The following CDK5RAP2 variants were observed in gnomAD, a reference collection of about 807,000 sequenced individuals.
The protein encoded by CDK5RAP2 is CDK5 regulatory subunit associated protein 2, also known as CDK5 regulatory subunit-associated protein 2.
Under a neutral mutation model 232.9 loss-of-function variants are expected in CDK5RAP2, and 147 were observed. The ratio of observed to expected loss-of-function variants is 0.63; its 90% CI spans 0.55 to 0.72. The LOEUF (loss-of-function observed/expected upper bound fraction) is 0.72, where lower values mean the gene tolerates loss of function less well. Among genes scored for constraint, CDK5RAP2 ranks in the 30% least tolerant of loss-of-function variants. The pLI, the probability that CDK5RAP2 is intolerant of heterozygous loss-of-function variation, is 0.00. For synonymous variants in CDK5RAP2, 833 were observed against 833.7 expected (o/e 1.00, Z 0.01); for missense variants, 2,195 against 2,231.5 (o/e 0.98, Z 0.33).
chr9:120,420,072 G>A (rs1233591317), intron 26 of CDK5RAP2, 112 bp from the exon 27 acceptor site: 2 of 838,172 alleles, frequency 2.4e-6, no homozygotes, highest in East Asian at 5.0e-5. Flanking sequence ...CCCAATGTTT[G>A]CAACTTCAGT....
rs557715440 is a variant in CDK5RAP2, at chr9:120,571,618, G to A, written c.127+356C>T. 12 of 356,280 alleles carry A rather than the reference G, an allele frequency of 3.4e-5. 1 individual carries two copies. Among genetic ancestry groups the A allele is most frequent in the South Asian group, 6.7e-5 (3 of 44,960 alleles). The allele number at this position is 356,280 out of a possible 1,614,324, so 22.1% of individuals were successfully genotyped here. A position where few individuals can be genotyped will look rare whatever the true frequency, so the allele number is the denominator to read the frequency against. On this transcript the variant is annotated intron_variant, in intron 2 of 37. Coordinates refer to ENST00000349780, the MANE Select transcript of CDK5RAP2 (RefSeq NM_018249.6). Reference sequence around the variant, plus strand: ...CAGCCTGCCAGGAAGGCCTTGGCACGCTACAGTCCAGATGGCAGCTCTCCT... The same window carrying A: ...CAGCCTGCCAGGAAGGCCTTGGCACACTACAGTCCAGATGGCAGCTCTCCT...
In CDK5RAP2 at chr9:120,580,120, C is replaced by G; in HGVS notation, c.-142G>C. 2 of 593,122 alleles carry G rather than the reference C, an allele frequency of 3.4e-6. No homozygotes were observed. The highest frequency in any genetic ancestry group is 6.1e-6 in the Non-Finnish European group (2 of 326,158). The allele number at this position is 593,122 out of a possible 1,614,324, so 36.7% of individuals were successfully genotyped here. ...AGACTCTGGCGGCGCCGCTGGAATT[C>G]AAACCACAGACGCCGCCATCTTTCC... On this transcript the variant is annotated 5_prime_UTR_variant, in exon 1 of 38. An upstream open reading frame in the 5' UTR loses its in-frame stop. Transcript: ENST00000349780.
intron 12 of CDK5RAP2, among the ~76,000 whole-genome samples, chr9:120,510,127 T>C (rs2040010360): frequency 6.6e-6 from 1 of 152,206 alleles, no homozygotes. Flanking sequence ...TTCTAAATGC[T>C]GTCACAATCT....
intron 17 of CDK5RAP2, among the ~76,000 whole-genome samples, chr9:120,468,428 CAG>C (rs954745108): frequency 1.3e-5 from 2 of 152,222 alleles, no homozygotes; most frequent in African/African-American, 4.8e-5. Context: ...GAAACTGTAT[CAG>C]AGTCTTACTT....
At chr9:120,396,371 C>T (rs1203172933) in intron 35 of CDK5RAP2, among the ~76,000 whole-genome samples, 1 of 152,204 alleles carries the variant, frequency 6.6e-6, no homozygotes, top group Non-Finnish European at 1.5e-5. Flanking sequence ...TCTGTAAAAT[C>T]GGAATAATCA....
At chr9:120,491,560 C>T (rs528821627) in intron 12 of CDK5RAP2, 83 bp from the exon 13 acceptor site, 2 of 881,016 alleles carry the variant, frequency 2.3e-6, no homozygotes, top group Non-Finnish European at 3.7e-6. Context: ...ATTACTGCTA[C>T]AAGAGAGCAA....
chr9:120,408,459 C>G lies in CDK5RAP2; in HGVS notation c.4614G>C (p.Glu1538Asp), dbSNP rs1212338666. The stretch of plus-strand genomic sequence containing the variant: ...GCAGCTGCTGCCTCAACTTCACCTC[C>G]TCCTGCACCCTGAGAAGGCCCCACA... Reference protein sequence around the residue: ...CSGQELSRVQEEVKLRQQLLS... With the variant: ...CSGQELSRVQDEVKLRQQLLS... The change falls in exon 31 of 38, where the codon GAG becomes GAC. Residue 1538 changes from glutamate (E) to aspartate (D), a missense_variant. Coordinates refer to ENST00000349780, the MANE Select transcript of CDK5RAP2 (RefSeq NM_018249.6). The G allele has an allele frequency of 2.5e-6, 4 of 1,614,042 alleles. No homozygotes were observed. The highest frequency in any genetic ancestry group is 1.3e-5 in the African/African-American group (1 of 74,936).
chr9:120,417,850 G>A (rs900871771), intron 27 of CDK5RAP2, among the ~76,000 whole-genome samples: 4 of 151,810 alleles, frequency 2.6e-5, no homozygotes, highest in Non-Finnish European at 4.4e-5. Context: ...TCTGTATTAA[G>A]AAAAGCCCCC....
chr9:120,431,654 A>G (rs1232642312), intron 25 of CDK5RAP2, among the ~76,000 whole-genome samples: 4 of 152,226 alleles, frequency 2.6e-5, no homozygotes, highest in African/African-American at 9.6e-5. Context: ...GAAGAAACCA[A>G]TGTTTCAGGT....
At chr9:120,532,370 C>G (rs2041190611) in intron 7 of CDK5RAP2, 1 of 152,166 alleles carries the variant, frequency 6.6e-6, no homozygotes, top group African/African-American at 2.4e-5. Context: ...AATAAAGTAG[C>G]TAAAGCATGC....
rs59169435 is a variant in CDK5RAP2, at chr9:120,413,823, A to G, written c.4297+1217T>C. Among the ~76,000 whole-genome samples the G allele has an allele frequency of 3.1e-4, 34 of 108,744 alleles. No individual in the cohort carries two copies. The South Asian group carries it at 5.3e-3, about 17-fold the overall frequency. 71.3% of individuals were successfully genotyped at this position (108,744 alleles called of 152,430 possible). A position where few individuals can be genotyped will look rare whatever the true frequency, so the allele number is the denominator to read the frequency against. On this transcript the variant is annotated intron_variant, in intron 28 of 37. Coordinates refer to ENST00000349780, the MANE Select transcript of CDK5RAP2 (RefSeq NM_018249.6). ...CGCAGTGAGCGAGGAGGGAGGAGGG[A>G]GGAGGGAGGAGGGAGGAGGGAAGGA...
chr9:120,459,661 C>T (rs2036974962), intron 19 of CDK5RAP2, among the ~76,000 whole-genome samples: 1 of 152,148 alleles, frequency 6.6e-6, no homozygotes, highest in South Asian at 2.1e-4. Context: ...TATTACTATC[C>T]TCATTGACAA....
intron 11 of CDK5RAP2, among the ~76,000 whole-genome samples, chr9:120,523,028 T>G (rs990066471): frequency 6.6e-6 from 1 of 152,194 alleles, no homozygotes; most frequent in Non-Finnish European, 1.5e-5. Flanking sequence ...ACTCGCTGGT[T>G]TGTAAATCTG....
intron 28 of CDK5RAP2, among the ~76,000 whole-genome samples, chr9:120,414,371 G>A (rs149347616): frequency 2.2e-4 from 34 of 152,276 alleles, no homozygotes; most frequent in African/African-American, 6.7e-4. Context: ...CATGCTTTAC[G>A]GAATGAGGAA....
At chr9:120,466,940 A>G (rs996134982) in intron 18 of CDK5RAP2, among the ~76,000 whole-genome samples, 2 of 152,232 alleles carry the variant, frequency 1.3e-5, no homozygotes, top group Non-Finnish European at 2.9e-5. Context: ...GGACCCAAGT[A>G]CAAAAAGGCC....
intron 15 of CDK5RAP2, among the ~76,000 whole-genome samples, chr9:120,475,141 A>C (rs1054324809): frequency 1.3e-5 from 2 of 152,182 alleles, no homozygotes; most frequent in African/African-American, 4.8e-5. Flanking sequence ...TAGGTAGGTA[A>C]GTAGGCAGAC....
intron 20 of CDK5RAP2, 27 bp from the exon 21 acceptor site, chr9:120,453,900 G>A: frequency 6.2e-7 from 1 of 1,612,262 alleles, no homozygotes; most frequent in Non-Finnish European, 8.5e-7. Flanking sequence ...GAAGGAAGTG[G>A]GAGAACCAAG....
intron 36 of CDK5RAP2, among the ~76,000 whole-genome samples, chr9:120,391,384 T>C (rs917609909): frequency 5.9e-5 from 9 of 152,046 alleles, no homozygotes; most frequent in African/African-American, 2.2e-4. Context: ...TCGTCCCAAA[T>C]CTAGACTGGC....
chr9:120,544,230 T>C (rs1177184092), intron 5 of CDK5RAP2, among the ~76,000 whole-genome samples: 1 of 152,172 alleles, frequency 6.6e-6, no homozygotes, highest in Non-Finnish European at 1.5e-5. Flanking sequence ...GAGGTTTCCA[T>C]GTGTACGAGC....
Sources: allele counts gnomAD v4.1 joint callset (sites outside exome capture counted in the v4.1 genomes callset), GRCh38; gene constraint gnomAD v4.1.1; transcripts MANE v1.5; gene names NCBI Gene and HGNC (gene_info 2026-07-23, HGNC 2026-07-21).